TOX2: variants seen among roughly 807,000 people sequenced by gnomAD.
TOX2 encodes the protein granulosa cell HMG box 1.
TOX2 carries 15 observed loss-of-function variants against 47.4 expected under a neutral mutation model. The observed-to-expected ratio is 0.32, with a 90% CI of 0.21 to 0.49. TOX2 has a LOEUF of 0.49. Ranked by LOEUF, TOX2 falls within the 20% of genes least tolerant of loss-of-function variation. TOX2 has a pLI of 0.99. For synonymous variants in TOX2, 290 were observed against 296.6 expected, an observed-to-expected ratio of 0.98 and a Z score of 0.23; for missense variants, 622 against 673.1, an observed-to-expected ratio of 0.92 and a Z score of 0.84.
intron 1 of TOX2, among the ~76,000 whole-genome samples, chr20:43,955,672 G>A (rs2069655463): frequency 6.6e-6 from 1 of 152,182 alleles, no homozygotes; most frequent in South Asian, 2.1e-4. Flanking sequence ...TCTCAAGGCC[G>A]TATTCTGCAT....
Position 44,054,866 on chromosome 20 carries a change from A to G in TOX2, c.879+340A>G, listed in dbSNP as rs73908517. Among the ~76,000 whole-genome samples the G allele has an allele frequency of 3.0e-3, 458 of 152,314 alleles. 3 individuals carry two copies. The highest frequency in any genetic ancestry group is 0.011 in the African/African-American group (439 of 41,564). ...TCTGGAGTCCAGGCCAGAGCTTCCT[A>G]TCCCACTGACCATGTGCCTGTGGCC... is the stretch of plus-strand genomic sequence containing the variant. On this transcript the variant is annotated intron_variant, in intron 5 of 8. Transcript: ENST00000341197.
At chr20:44,000,815 C>T (rs575091064) in intron 2 of TOX2, among the ~76,000 whole-genome samples, 1 of 152,092 alleles carries the variant, frequency 6.6e-6, no homozygotes, top group African/African-American at 2.4e-5. Flanking sequence ...TGTTGAAGGA[C>T]CAATATCTCT....
At chr20:44,041,381 C>T (rs1258195420) in intron 3 of TOX2, among the ~76,000 whole-genome samples, 4 of 152,184 alleles carry the variant, frequency 2.6e-5, no homozygotes, top group African/African-American at 4.8e-5. Context: ...TCCACTACAG[C>T]GGGCATCCTC....
At chr20:43,928,735 AT>A (rs1467191575) in intron 1 of TOX2, among the ~76,000 whole-genome samples, 1 of 152,152 alleles carries the variant, frequency 6.6e-6, no homozygotes. Context: ...GTTTGGAGAC[AT>A]TTACTATCCA....
At chr20:44,048,191 C>G (rs1392548725) in intron 3 of TOX2, among the ~76,000 whole-genome samples, 1 of 151,818 alleles carries the variant, frequency 6.6e-6, no homozygotes, top group Non-Finnish European at 1.5e-5. Flanking sequence ...CATCACTGCA[C>G]TCCAGTGTGG....
At chr20:43,980,045 G>A (rs1437779459) in intron 2 of TOX2, among the ~76,000 whole-genome samples, 2 of 152,294 alleles carry the variant, frequency 1.3e-5, no homozygotes, top group African/African-American at 2.4e-5. Context: ...CCAAAGAAAG[G>A]AAATCAGTAT....
At chr20:43,928,410 C>G (rs753313878) in intron 1 of TOX2, among the ~76,000 whole-genome samples, 1 of 152,222 alleles carries the variant, frequency 6.6e-6, no homozygotes, top group African/African-American at 2.4e-5. Flanking sequence ...AGGGCCTGGC[C>G]GCCCACTTGC....
intron 3 of TOX2, chr20:44,038,864 A>G: frequency 2.1e-6 from 2 of 965,890 alleles, no homozygotes; most frequent in Non-Finnish European, 1.3e-6. Flanking sequence ...TTTGTGAAAA[A>G]CGCCCTTGTG....
rs747426054 is a variant in TOX2, at chr20:44,066,798, C to T, written c.1425C>T (p.Thr475=). 13 of 1,614,092 alleles carry T rather than the reference C, an allele frequency of 8.1e-6. No homozygotes were observed. The Admixed American group carries it at 1.8e-4, about 23-fold the overall frequency. ...GSCSPGPSNP[T]SSGDWDSSYP... The stretch of plus-strand genomic sequence containing the variant: ...GCTCACCTGGCCCATCCAACCCCAC[C>T]AGCAGCGGGGACTGGGACAGCAGCT... Residue 475 remains threonine (T), a synonymous_variant, in exon 8 of 9, where the codon ACC becomes ACT. Coordinates refer to ENST00000341197, the MANE Select transcript of TOX2 (RefSeq NM_001098797.2).
intron 1 of TOX2, among the ~76,000 whole-genome samples, chr20:43,964,304 G>T (rs955795784): frequency 1.3e-5 from 2 of 152,138 alleles, no homozygotes; most frequent in African/African-American, 4.8e-5. Context: ...TCTGTGCCGG[G>T]CTCTCTGCCT....
At chr20:43,920,700 C>A (rs1253215623) in intron 1 of TOX2, among the ~76,000 whole-genome samples, 1 of 152,188 alleles carries the variant, frequency 6.6e-6, no homozygotes, top group Non-Finnish European at 1.5e-5. Flanking sequence ...TTGAGCCTGT[C>A]AGCACCCTTC....
At chr20:44,051,695 C>T (rs577851272) in intron 4 of TOX2, 150 bp downstream of exon 4, 58 of 1,254,800 alleles carry the variant, frequency 4.6e-5, no homozygotes, top group South Asian at 1.1e-4. Context: ...ACTGAGCAGG[C>T]GTTCCTGGTG....
At chr20:43,986,891 C>A (rs1003203543) in intron 2 of TOX2, among the ~76,000 whole-genome samples, 4 of 151,914 alleles carry the variant, frequency 2.6e-5, no homozygotes, top group Non-Finnish European at 5.9e-5. Flanking sequence ...TTTAGTGAGA[C>A]CCCTGTTTTA....
At chr20:44,017,252 C>T (rs569287238) in intron 3 of TOX2, among the ~76,000 whole-genome samples, 10 of 152,338 alleles carry the variant, frequency 6.6e-5, no homozygotes, top group African/African-American at 2.2e-4. Context: ...TTCCTGCACC[C>T]GCCTGGCTGA....
intron 2 of TOX2, among the ~76,000 whole-genome samples, chr20:44,000,207 G>A (rs561564913): frequency 6.6e-6 from 1 of 152,226 alleles, no homozygotes; most frequent in Non-Finnish European, 1.5e-5. Context: ...TGTGAGCAGA[G>A]CTTATATTTT....
intron 2 of TOX2, among the ~76,000 whole-genome samples, chr20:44,004,600 T>C (rs1037274998): frequency 2.0e-5 from 3 of 152,200 alleles, no homozygotes; most frequent in Non-Finnish European, 2.9e-5. Context: ...GTTCTACGAC[T>C]GTAAAGGGTA....
intron 1 of TOX2, among the ~76,000 whole-genome samples, chr20:43,957,577 T>TA (rs1422665102): frequency 2.0e-5 from 3 of 152,018 alleles, no homozygotes; most frequent in Non-Finnish European, 2.9e-5. Context: ...CTTTTTTTTT[T>TA]TTTTTTTTTT....
At chr20:44,002,016 C>G (rs945319980) in intron 2 of TOX2, among the ~76,000 whole-genome samples, 2 of 152,136 alleles carry the variant, frequency 1.3e-5, no homozygotes, top group Non-Finnish European at 2.9e-5. Context: ...GTCTGAGCAC[C>G]ACAGGGTGAT....
At chr20:43,994,232 A>C (rs956526114) in intron 2 of TOX2, among the ~76,000 whole-genome samples, 4 of 152,120 alleles carry the variant, frequency 2.6e-5, no homozygotes, top group Admixed American at 2.6e-4. Flanking sequence ...TGGGAGGCCA[A>C]GGTGGGTAGA....
Sources: allele counts gnomAD v4.1 joint callset (sites outside exome capture counted in the v4.1 genomes callset), GRCh38; gene constraint gnomAD v4.1.1; transcripts MANE v1.5; gene names NCBI Gene and HGNC (gene_info 2026-07-23, HGNC 2026-07-21).